The following RBFOX1 variants were observed in gnomAD, a reference collection of about 807,000 sequenced individuals.
The protein encoded by RBFOX1 is RNA binding protein fox-1 homolog 1.
A neutral mutation model predicts 57.7 loss-of-function variants in RBFOX1; 8 were observed. The ratio of observed to expected loss-of-function variants is 0.14; its 90% CI spans 0.08 to 0.25. The LOEUF is 0.25. RBFOX1 is among the 10% of genes least tolerant of loss of function. The pLI is 1.00. For missense variants in RBFOX1, 611 were observed against 548.5 expected (o/e 1.11, Z -1.14); for synonymous variants, 326 against 222.4 (o/e 1.47, Z -4.15).
At chr16:6,264,719 C>T (rs1598959806) in intron 1 of RBFOX1, among the ~76,000 whole-genome samples, 2 of 152,320 alleles carry the variant, frequency 1.3e-5, no homozygotes, top group Non-Finnish European at 1.5e-5. Context: ...GTCCCTGAGG[C>T]CTAAGTGCCA....
chr16:6,310,692 A>G (rs928163141), intron 1 of RBFOX1, among the ~76,000 whole-genome samples: 1 of 152,174 alleles, frequency 6.6e-6, no homozygotes, highest in Non-Finnish European at 1.5e-5. Flanking sequence ...ACTGTCACTC[A>G]TGAATATGAC....
At chr16:6,206,737 G>C (rs528636714) in intron 1 of RBFOX1, among the ~76,000 whole-genome samples, 80 of 152,138 alleles carry the variant, frequency 5.3e-4, no homozygotes, top group Non-Finnish European at 9.7e-4. Flanking sequence ...TCTTACATCA[G>C]ACTAGCACAA....
chr16:7,644,799 T>C (rs183960094), intron 11 of RBFOX1, among the ~76,000 whole-genome samples: 1 of 152,154 alleles, frequency 6.6e-6, no homozygotes, highest in Admixed American at 6.5e-5. Flanking sequence ...CAGGGTAATA[T>C]GATGGTAACT....
chr16:6,359,904 T>C (rs533349123), intron 2 of RBFOX1, among the ~76,000 whole-genome samples: 10 of 152,266 alleles, frequency 6.6e-5, no homozygotes, highest in African/African-American at 2.4e-4. Context: ...AAAATGAACA[T>C]TGGGATGTTA....
rs913062385 is a variant in RBFOX1, at chr16:7,052,068, A to G, written c.-4A>G. The stretch of plus-strand genomic sequence containing the variant: ...TCTTTTCTTTCTAGGTTTCAAGACA[A>G]CAGATGAATTGTGAAAGAGAGCAGC... On this transcript the variant is annotated 5_prime_UTR_variant, in exon 4 of 16. Coordinates refer to ENST00000550418, the MANE Select transcript of RBFOX1 (RefSeq NM_018723.4). 6 of 1,612,584 alleles carry G rather than the reference A, an allele frequency of 3.7e-6. No homozygotes were observed. The highest frequency in any genetic ancestry group is 1.3e-5 in the African/African-American group (1 of 74,970).
intron 1 of RBFOX1, among the ~76,000 whole-genome samples, chr16:5,459,942 A>G (rs995640703): frequency 6.6e-6 from 1 of 152,114 alleles, no homozygotes; most frequent in African/African-American, 2.4e-5. Flanking sequence ...CGAGTTCTTT[A>G]TGACAAAGCT....
chr16:7,613,060 G>A (rs1442086971), intron 10 of RBFOX1, among the ~76,000 whole-genome samples: 1 of 152,122 alleles, frequency 6.6e-6, no homozygotes, highest in Non-Finnish European at 1.5e-5. Context: ...CGGAAATGCA[G>A]ATCTAAGATA....
intron 4 of RBFOX1, among the ~76,000 whole-genome samples, chr16:7,309,662 G>A (rs1467650992): frequency 6.6e-6 from 1 of 152,150 alleles, no homozygotes; most frequent in African/African-American, 2.4e-5. Context: ...CAGGTTCTCT[G>A]CCCCAAGAGG....
At chr16:5,294,501 C>T (rs2063613939) in intron 1 of RBFOX1, among the ~76,000 whole-genome samples, 1 of 152,248 alleles carries the variant, frequency 6.6e-6, no homozygotes, top group East Asian at 1.9e-4. Context: ...TGCAGTCTAA[C>T]AACCGGCTGC....
chr16:5,792,407 C>T (rs145818033), intron 3 of RBFOX1, among the ~76,000 whole-genome samples: 1 of 152,226 alleles, frequency 6.6e-6, no homozygotes, highest in Non-Finnish European at 1.5e-5. Context: ...TGTGACTCTA[C>T]AAAAACTTAC....
intron 11 of RBFOX1, among the ~76,000 whole-genome samples, chr16:7,636,669 A>G (rs1422589672): frequency 2.0e-5 from 3 of 152,236 alleles, no homozygotes; most frequent in Admixed American, 2.0e-4. Flanking sequence ...CTATAACAAA[A>G]TACCGTAGAC....
chr16:6,957,769 G>T (rs916898047), intron 3 of RBFOX1, among the ~76,000 whole-genome samples: 2 of 152,096 alleles, frequency 1.3e-5, no homozygotes, highest in Non-Finnish European at 2.9e-5. Context: ...AAACATCTGT[G>T]ACTGTTGGGC....
chr16:7,603,506 A>C (rs2095144663), intron 9 of RBFOX1, among the ~76,000 whole-genome samples: 1 of 152,198 alleles, frequency 6.6e-6, no homozygotes, highest in Admixed American at 6.5e-5. Context: ...GGAATCATGG[A>C]ATCCAAGAGT....
chr16:6,725,701 C>T (rs1237953489), intron 3 of RBFOX1, among the ~76,000 whole-genome samples: 3 of 152,166 alleles, frequency 2.0e-5, no homozygotes, highest in South Asian at 4.2e-4. Flanking sequence ...CAGATTAGTT[C>T]TTCTAAAACT....
intron 2 of RBFOX1, among the ~76,000 whole-genome samples, chr16:6,542,708 G>A (rs1599351272): frequency 6.6e-6 from 1 of 151,610 alleles, no homozygotes; most frequent in African/African-American, 2.4e-5. Context: ...TAGCCAGGAT[G>A]GTGTTGATCT....
intron 3 of RBFOX1, among the ~76,000 whole-genome samples, chr16:5,814,742 C>G (rs1295543590): frequency 6.6e-6 from 1 of 152,102 alleles, no homozygotes; most frequent in Non-Finnish European, 1.5e-5. Flanking sequence ...TCCTGGCTAA[C>G]AAGGTGAAAC....
intron 3 of RBFOX1, among the ~76,000 whole-genome samples, chr16:7,006,419 C>A (rs1173103822): frequency 6.6e-6 from 1 of 152,136 alleles, no homozygotes; most frequent in Non-Finnish European, 1.5e-5. Context: ...TCCCAAAGTG[C>A]TGGGATTACA....
intron 2 of RBFOX1, among the ~76,000 whole-genome samples, chr16:6,470,771 C>T (rs1160788744): frequency 6.6e-6 from 1 of 152,154 alleles, no homozygotes; most frequent in Non-Finnish European, 1.5e-5. Flanking sequence ...GACTTTTTGG[C>T]TTCTTTTACA....
chr16:7,578,406 G>A (rs1295858795), intron 5 of RBFOX1, among the ~76,000 whole-genome samples: 1 of 152,204 alleles, frequency 6.6e-6, no homozygotes, highest in East Asian at 1.9e-4. Context: ...AGAATGGTTT[G>A]CCAGCTAACA....
Sources: gnomAD v4.1 joint callset for allele counts (sites outside exome capture counted in the v4.1 genomes callset) on GRCh38, gnomAD v4.1.1 for gene constraint, MANE v1.5 for transcripts, NCBI Gene and HGNC (gene_info 2026-07-23, HGNC 2026-07-21) for gene names.